The following NSMCE2 variants were observed in gnomAD, a reference collection of about 807,000 sequenced individuals.
The protein encoded by NSMCE2 is NSE2 SUMO ligase component of SMC5/6 complex.
Under a neutral mutation model 23.8 loss-of-function variants are expected in NSMCE2, and 24 were observed. That is an observed-to-expected ratio of 1.01 (90% CI 0.73 to 1.42). The LOEUF (loss-of-function observed/expected upper bound fraction) is 1.42, where lower values mean the gene tolerates loss of function less well. NSMCE2 is among the 40% of genes most tolerant of loss of function. The pLI, the probability that NSMCE2 is intolerant of heterozygous loss-of-function variation, is 0.00. For missense variants in NSMCE2, 284 were observed against 296.5 expected (o/e 0.96, Z 0.31); for synonymous variants, 92 against 94.1 (o/e 0.98, Z 0.13).
intron 5 of NSMCE2, among the ~76,000 whole-genome samples, chr8:125,194,799 TTTTG>T (rs1309251183): frequency 2.0e-5 from 3 of 152,206 alleles, no homozygotes; most frequent in Non-Finnish European, 4.4e-5. Context: ...TTATTTTTCG[TTTTG>T]TTTTTCATTC....
chr8:125,167,324 G>T (rs1821938150), intron 4 of NSMCE2, among the ~76,000 whole-genome samples: 1 of 152,164 alleles, frequency 6.6e-6, no homozygotes. Context: ...AGCAGTTAGG[G>T]AAGGGAACAT....
chr8:125,324,575 T>TATGATGCAAATTGATGTAAGGCA (rs1563785411), intron 5 of NSMCE2, among the ~76,000 whole-genome samples: 6 of 81,508 alleles, frequency 7.4e-5, no homozygotes, highest in South Asian at 4.0e-4. Flanking sequence ...TAAAATTCTT[T>TATGATGCAAATTGATGTAAGGCA]TTTTTTTTTT....
chr8:125,110,968 C>T (rs1483501795), intron 3 of NSMCE2, among the ~76,000 whole-genome samples: 1 of 151,894 alleles, frequency 6.6e-6, no homozygotes, highest in Non-Finnish European at 1.5e-5. Flanking sequence ...AAAAGAAACC[C>T]CTGTTTGGCT....
At chr8:125,362,889 T>G (rs1053586962) in intron 7 of NSMCE2, 1 of 152,212 alleles carries the variant, frequency 6.6e-6, no homozygotes, top group Non-Finnish European at 1.5e-5. Context: ...CCATCAGACA[T>G]TCTCAGCATG....
intron 5 of NSMCE2, among the ~76,000 whole-genome samples, chr8:125,300,574 CATTT>C (rs1828520181): frequency 6.6e-6 from 1 of 152,184 alleles, no homozygotes; most frequent in Non-Finnish European, 1.5e-5. Flanking sequence ...ATTCAACAGT[CATTT>C]ATTGAGCATC....
chr8:125,095,953 G>GT (rs1253951052), intron 1 of NSMCE2, among the ~76,000 whole-genome samples: 3 of 151,704 alleles, frequency 2.0e-5, no homozygotes, highest in Admixed American at 6.6e-5. Context: ...GCAGGTTTGT[G>GT]TTTTTTGATT....
chr8:125,354,802 G>A (rs955295788), intron 5 of NSMCE2, among the ~76,000 whole-genome samples: 1 of 152,140 alleles, frequency 6.6e-6, no homozygotes, highest in Admixed American at 6.5e-5. Flanking sequence ...TTGAACAAGA[G>A]CTCTGCAGCC....
intron 5 of NSMCE2, among the ~76,000 whole-genome samples, chr8:125,280,140 A>G (rs1827633409): frequency 6.6e-6 from 1 of 152,208 alleles, no homozygotes; most frequent in African/African-American, 2.4e-5. Context: ...AACAAATGGA[A>G]AAGATGATTT....
chr8:125,093,342 G>C (rs945767200), intron 1 of NSMCE2, among the ~76,000 whole-genome samples: 2 of 152,012 alleles, frequency 1.3e-5, no homozygotes, highest in Non-Finnish European at 2.9e-5. Flanking sequence ...ATACATTTTG[G>C]GTGACACAAA....
intron 5 of NSMCE2, among the ~76,000 whole-genome samples, chr8:125,211,361 C>T: frequency 6.6e-6 from 1 of 152,120 alleles, no homozygotes; most frequent in East Asian, 1.9e-4. Context: ...TTAATGGTAG[C>T]ATATTGGATA....
chr8:125,296,977 T>C (rs1044978723), intron 5 of NSMCE2, among the ~76,000 whole-genome samples: 6 of 152,188 alleles, frequency 3.9e-5, no homozygotes, highest in African/African-American at 1.4e-4. Context: ...AAATATAGAG[T>C]ATACTTAGAA....
chr8:125,112,160 C>A (rs1818786325), intron 3 of NSMCE2, among the ~76,000 whole-genome samples: 1 of 152,090 alleles, frequency 6.6e-6, no homozygotes, highest in Non-Finnish European at 1.5e-5. Flanking sequence ...ACTATACCAG[C>A]AAAATAGCAT....
intron 5 of NSMCE2, among the ~76,000 whole-genome samples, chr8:125,204,791 A>G (rs1824042901): frequency 6.6e-6 from 1 of 152,044 alleles, no homozygotes; most frequent in Admixed American, 6.5e-5. Context: ...TCCCCTCTCC[A>G]TTACTTTCTG....
At chr8:125,172,263 T>G (rs1221131301) in intron 4 of NSMCE2, among the ~76,000 whole-genome samples, 2 of 152,184 alleles carry the variant, frequency 1.3e-5, no homozygotes, top group African/African-American at 4.8e-5. Flanking sequence ...AGGACTGAGG[T>G]GGCATATCTG....
intron 5 of NSMCE2, among the ~76,000 whole-genome samples, chr8:125,273,230 A>G (rs184890826): frequency 1.3e-5 from 2 of 152,348 alleles, no homozygotes; most frequent in African/African-American, 4.8e-5. Context: ...TATTGAGTCA[A>G]CCAGATACTG....
chr8:125,313,691 C>T (rs1018707985), intron 5 of NSMCE2, among the ~76,000 whole-genome samples: 7 of 152,180 alleles, frequency 4.6e-5, no homozygotes, highest in East Asian at 1.9e-4. Context: ...GTGTTATACA[C>T]GTCCTTAGAG....
chr8:125,344,465 C>T (rs755967173), intron 5 of NSMCE2, among the ~76,000 whole-genome samples: 4 of 152,108 alleles, frequency 2.6e-5, no homozygotes, highest in Non-Finnish European at 4.4e-5. Flanking sequence ...GAATCATGGC[C>T]GGTCACGGTA....
chr8:125,263,777 G>T (rs1404354681), intron 5 of NSMCE2, among the ~76,000 whole-genome samples: 5 of 151,968 alleles, frequency 3.3e-5, no homozygotes, highest in African/African-American at 9.6e-5. Context: ...AAAAGAAGAG[G>T]CCTGATATGA....
intron 5 of NSMCE2, among the ~76,000 whole-genome samples, chr8:125,328,385 A>G (rs1319946013): frequency 6.6e-6 from 1 of 152,212 alleles, no homozygotes; most frequent in Non-Finnish European, 1.5e-5. Flanking sequence ...GTGAAAGAAT[A>G]AAAGAAAGGT....
Sources: gnomAD v4.1 joint callset for allele counts (sites outside exome capture counted in the v4.1 genomes callset) on GRCh38, gnomAD v4.1.1 for gene constraint, MANE v1.5 for transcripts, NCBI Gene and HGNC (gene_info 2026-07-23, HGNC 2026-07-21) for gene names.